PTPRD: variants seen among roughly 807,000 people sequenced by gnomAD.
PTPRD encodes the protein protein tyrosine phosphatase receptor type D.
PTPRD carries 34 observed loss-of-function variants against 214.5 expected under a neutral mutation model. The ratio of observed to expected loss-of-function variants is 0.16; its 90% CI spans 0.12 to 0.21. The LOEUF (loss-of-function observed/expected upper bound fraction) is 0.21, where lower values mean the gene tolerates loss of function less well. Ranked by LOEUF, PTPRD falls within the 10% of genes least tolerant of loss-of-function variation. The pLI is 1.00. For missense variants in PTPRD, 2,545 were observed against 2,398.7 expected (o/e 1.06, Z -1.27); for synonymous variants, 1,128 against 845.7 (o/e 1.33, Z -5.79).
chr9:10,263,867 C>T (rs960042701), intron 3 of PTPRD, among the ~76,000 whole-genome samples: 7 of 152,052 alleles, frequency 4.6e-5, no homozygotes, highest in Admixed American at 2.0e-4. Context: ...AAAATGGTTT[C>T]GTAGGCCAGG....
intron 3 of PTPRD, among the ~76,000 whole-genome samples, chr9:10,051,305 A>G (rs1214955338): frequency 6.6e-6 from 1 of 152,128 alleles, no homozygotes; most frequent in Non-Finnish European, 1.5e-5. Flanking sequence ...AAAGTATTAG[A>G]AATAGTAACC....
intron 12 of PTPRD, among the ~76,000 whole-genome samples, chr9:8,656,310 A>C (rs1018483846): frequency 1.3e-5 from 2 of 152,178 alleles, no homozygotes; most frequent in African/African-American, 4.8e-5. Context: ...CATTATTCAA[A>C]AATATTTTCA....
Position 8,733,966 on chromosome 9 carries a change from G to GA in PTPRD, c.-103-21dup. On this transcript the variant is annotated intron_variant, in intron 11 of 45. Transcript: ENST00000381196. Reference sequence around the variant, plus strand: ...CAGAGCCTGAAAGCGGGGAGGAAGAGAAAAGAAAAGGAAGAAAACACAAAA... The same window carrying GA: ...CAGAGCCTGAAAGCGGGGAGGAAGAGAAAAAGAAAAGGAAGAAAACACAAAA... 1 of 972,168 alleles carries GA rather than the reference G, an allele frequency of 1.0e-6. No homozygotes were observed. Among genetic ancestry groups the GA allele is most frequent in the Non-Finnish European group, 1.6e-6 (1 of 642,826 alleles). 60.2% of individuals were successfully genotyped at this position (972,168 alleles called of 1,614,324 possible).
At chr9:10,384,571 C>A (rs960027511) in intron 2 of PTPRD, among the ~76,000 whole-genome samples, 1 of 151,082 alleles carries the variant, frequency 6.6e-6, no homozygotes, top group Admixed American at 6.6e-5. Flanking sequence ...AATGATAGCC[C>A]CAATCCTAGT....
At chr9:8,815,196 G>C (rs917220258) in intron 11 of PTPRD, among the ~76,000 whole-genome samples, 1 of 151,890 alleles carries the variant, frequency 6.6e-6, no homozygotes, top group African/African-American at 2.4e-5. Context: ...GTAGAAGCAG[G>C]CATTTGAAAA....
rs868026823 is a variant in PTPRD, at chr9:10,316,436, C to T, written c.-545+24527G>A. 3.3e-5 allele frequency among the ~76,000 whole-genome samples: 5 copies of T among 151,692 alleles called. 1 individual carries two copies. The Middle Eastern group carries it at 0.01, about 310-fold the overall frequency. On this transcript the variant is annotated intron_variant, in intron 3 of 45. Coordinates refer to ENST00000381196, the MANE Select transcript of PTPRD (RefSeq NM_002839.4). Reference sequence around the variant, plus strand: ...AAACCCCAACTCAGAATAGTCCTTGCATGAGTGGGTTATGTATTATGATTC... The same window carrying T: ...AAACCCCAACTCAGAATAGTCCTTGTATGAGTGGGTTATGTATTATGATTC...
intron 10 of PTPRD, among the ~76,000 whole-genome samples, chr9:9,115,739 A>C (rs945922501): frequency 1.3e-5 from 2 of 152,162 alleles, no homozygotes; most frequent in Non-Finnish European, 2.9e-5. Context: ...ATGCTCATCA[A>C]CTGATGAGTG....
At chr9:8,923,546 C>A (rs1288373551) in intron 11 of PTPRD, among the ~76,000 whole-genome samples, 2 of 152,032 alleles carry the variant, frequency 1.3e-5, no homozygotes, top group Admixed American at 1.3e-4. Context: ...AATTCACCAG[C>A]AAGACGTACA....
At chr9:9,965,911 T>C (rs1181009657) in intron 4 of PTPRD, among the ~76,000 whole-genome samples, 1 of 152,238 alleles carries the variant, frequency 6.6e-6, no homozygotes, top group Non-Finnish European at 1.5e-5. Context: ...AGTGAGCATG[T>C]TGTATGATTT....
chr9:9,353,707 C>G (rs2052441876), intron 9 of PTPRD, among the ~76,000 whole-genome samples: 1 of 151,440 alleles, frequency 6.6e-6, no homozygotes, highest in Non-Finnish European at 1.5e-5. Context: ...AAAGGTAAAA[C>G]AGAGAAATAA....
intron 3 of PTPRD, among the ~76,000 whole-genome samples, chr9:10,220,979 G>A (rs1291472437): frequency 6.6e-6 from 1 of 151,726 alleles, no homozygotes; most frequent in South Asian, 2.1e-4. Flanking sequence ...AAAACGAAAT[G>A]GTACACAGAA....
chr9:8,892,270 A>G (rs1265673999), intron 11 of PTPRD, among the ~76,000 whole-genome samples: 2 of 152,160 alleles, frequency 1.3e-5, no homozygotes, highest in Non-Finnish European at 2.9e-5. Flanking sequence ...AGCAGGGAGT[A>G]GGCCATTTGT....
chr9:9,254,272 T>A (rs1172062096), intron 9 of PTPRD, among the ~76,000 whole-genome samples: 1 of 152,064 alleles, frequency 6.6e-6, no homozygotes, highest in Non-Finnish European at 1.5e-5. Flanking sequence ...AATTTCCTTT[T>A]TGGACAAAGT....
chr9:8,342,856 G>T (rs1486709001), intron 39 of PTPRD, among the ~76,000 whole-genome samples: 1 of 152,090 alleles, frequency 6.6e-6, no homozygotes, highest in African/African-American at 2.4e-5. Context: ...AAACAAGAAA[G>T]AAAAAGGATG....
chr9:9,065,760 T>C (rs1039034760), intron 10 of PTPRD, among the ~76,000 whole-genome samples: 3 of 152,088 alleles, frequency 2.0e-5, no homozygotes, highest in African/African-American at 4.8e-5. Context: ...AAATGATACA[T>C]TAATGTCTCT....
chr9:9,327,870 T>C (rs932454030), intron 9 of PTPRD, among the ~76,000 whole-genome samples: 1 of 139,674 alleles, frequency 7.2e-6, no homozygotes, highest in African/African-American at 2.7e-5. Flanking sequence ...GGGCCACACA[T>C]AAAATACACT....
At chr9:10,292,719 T>G (rs1479915975) in intron 3 of PTPRD, among the ~76,000 whole-genome samples, 1 of 151,874 alleles carries the variant, frequency 6.6e-6, no homozygotes, top group Non-Finnish European at 1.5e-5. Flanking sequence ...ATACACTAAT[T>G]AATTTATTTA....
At chr9:8,675,539 A>ACACACAC (rs1491500553) in intron 12 of PTPRD, among the ~76,000 whole-genome samples, 2 of 15,292 alleles carry the variant, frequency 1.3e-4, no homozygotes, top group African/African-American at 5.2e-4. Context: ...ACACACACAC[A>ACACACAC]AAAAAAAAAA....
At chr9:9,522,118 T>C (rs535881061) in intron 8 of PTPRD, among the ~76,000 whole-genome samples, 133 of 145,036 alleles carry the variant, frequency 9.2e-4, no homozygotes, top group Non-Finnish European at 1.6e-3. Flanking sequence ...GATTGTGCCA[T>C]TGCACTCCAG....
Sources: allele counts gnomAD v4.1 joint callset (sites outside exome capture counted in the v4.1 genomes callset), GRCh38; gene constraint gnomAD v4.1.1; transcripts MANE v1.5; gene names NCBI Gene and HGNC (gene_info 2026-07-23, HGNC 2026-07-21).